RFX4: variants seen among roughly 807,000 people sequenced by gnomAD.
The protein encoded by RFX4 is regulatory factor X4, also known as transcription factor RFX4.
A neutral mutation model predicts 95.0 loss-of-function variants in RFX4; 10 were observed. The observed-to-expected ratio is 0.11, with a 90% CI of 0.06 to 0.18. The LOEUF (loss-of-function observed/expected upper bound fraction) is 0.18, where lower values mean the gene tolerates loss of function less well. Among genes scored for constraint, RFX4 ranks in the 10% least tolerant of loss-of-function variants. RFX4 has a pLI of 1.00. For synonymous variants in RFX4, 321 were observed against 340.7 expected, an observed-to-expected ratio of 0.94 and a Z score of 0.64; for missense variants, 640 against 922.0, an observed-to-expected ratio of 0.69 and a Z score of 3.96.
At chr12:106,614,995 T>C (rs1214498487) in intron 2 of RFX4, among the ~76,000 whole-genome samples, 1 of 152,216 alleles carries the variant, frequency 6.6e-6, no homozygotes, top group Non-Finnish European at 1.5e-5. Context: ...TCAATTCTAA[T>C]AAAATTTAAT....
chr12:106,651,234 A>G (rs1205005546), intron 3 of RFX4, among the ~76,000 whole-genome samples: 1 of 151,946 alleles, frequency 6.6e-6, no homozygotes, highest in African/African-American at 2.4e-5. Context: ...CCCTCCCCCA[A>G]CTACCGTGGC....
chr12:106,724,817 GC>G (rs1436739301), intron 13 of RFX4, among the ~76,000 whole-genome samples: 1 of 152,104 alleles, frequency 6.6e-6, no homozygotes, highest in Non-Finnish European at 1.5e-5. Flanking sequence ...TTTGAGACCA[GC>G]CTGGACAACA....
At chr12:106,701,400 G>A (rs1217873843) in intron 8 of RFX4, among the ~76,000 whole-genome samples, 1 of 152,016 alleles carries the variant, frequency 6.6e-6, no homozygotes, top group East Asian at 1.9e-4. Flanking sequence ...GAGCTTCTCG[G>A]ATCTGTGCTT....
intron 1 of RFX4, among the ~76,000 whole-genome samples, chr12:106,588,721 A>G (rs762986699): frequency 6.6e-6 from 1 of 152,200 alleles, no homozygotes; most frequent in Non-Finnish European, 1.5e-5. Flanking sequence ...CCTCTCAATT[A>G]TATGCCTGTG....
chr12:106,723,167 TCCTTAA>T (rs1162683108), intron 13 of RFX4, among the ~76,000 whole-genome samples: 1 of 152,196 alleles, frequency 6.6e-6, no homozygotes, highest in Non-Finnish European at 1.5e-5. Flanking sequence ...CACTCTCTTC[TCCTTAA>T]TTCTTTTTCA....
intron 4 of RFX4, among the ~76,000 whole-genome samples, chr12:106,676,299 T>G (rs900569912): frequency 2.0e-5 from 3 of 152,236 alleles, no homozygotes; most frequent in East Asian, 3.9e-4. Context: ...GGTATGGACC[T>G]GGGAAGCATT....
At chr12:106,605,916 A>C (rs1446058555) in intron 1 of RFX4, among the ~76,000 whole-genome samples, 1 of 151,200 alleles carries the variant, frequency 6.6e-6, no homozygotes, top group South Asian at 2.1e-4. Context: ...TTTTCATGGC[A>C]CCTCCCACCC....
chr12:106,607,999 C>T (rs537683902), intron 1 of RFX4, among the ~76,000 whole-genome samples: 1 of 152,264 alleles, frequency 6.6e-6, no homozygotes, highest in Admixed American at 6.5e-5. Context: ...TCAAGACCAG[C>T]CTGGCCAACA....
At chr12:106,613,519 C>T (rs1309028038) in intron 2 of RFX4, among the ~76,000 whole-genome samples, 1 of 151,874 alleles carries the variant, frequency 6.6e-6, no homozygotes, top group African/African-American at 2.4e-5. Flanking sequence ...CCCACCACCA[C>T]ACCCAGCCAA....
intron 1 of RFX4, among the ~76,000 whole-genome samples, chr12:106,584,876 C>T (rs997171644): frequency 6.6e-6 from 1 of 152,188 alleles, no homozygotes; most frequent in Non-Finnish European, 1.5e-5. Context: ...CCCCGAAGTT[C>T]TCCTTCCTAT....
intron 2 of RFX4, among the ~76,000 whole-genome samples, chr12:106,636,665 A>C (rs2040520343): frequency 6.6e-6 from 1 of 152,224 alleles, no homozygotes; most frequent in Non-Finnish European, 1.5e-5. Flanking sequence ...GTTCCTGAGA[A>C]CATTTAGCAT....
chr12:106,746,133 G>C (rs2042889292), intron 15 of RFX4, among the ~76,000 whole-genome samples: 1 of 152,156 alleles, frequency 6.6e-6, no homozygotes, highest in Non-Finnish European at 1.5e-5. Flanking sequence ...AAAGGCGGGT[G>C]GGTCACAAGG....
intron 13 of RFX4, among the ~76,000 whole-genome samples, chr12:106,728,407 C>T (rs1173413886): frequency 7.2e-5 from 11 of 152,014 alleles, no homozygotes; most frequent in Non-Finnish European, 4.4e-5. Context: ...CTATTTGATT[C>T]ATACATCTAA....
intron 4 of RFX4, among the ~76,000 whole-genome samples, chr12:106,661,054 C>T (rs1044229065): frequency 2.0e-5 from 3 of 152,178 alleles, no homozygotes; most frequent in Admixed American, 2.0e-4. Flanking sequence ...GAGGGCCCAC[C>T]ATGTGCTGTA....
intron 3 of RFX4, among the ~76,000 whole-genome samples, chr12:106,653,048 C>T (rs530979045): frequency 1.3e-5 from 2 of 152,170 alleles, no homozygotes; most frequent in African/African-American, 2.4e-5. Flanking sequence ...GAAATGTTTC[C>T]TGTTGGTGCA....
At chr12:106,601,238 C>G in intron 1 of RFX4, 1 of 1,558,104 alleles carries the variant, frequency 6.4e-7, no homozygotes, top group South Asian at 1.2e-5. Flanking sequence ...CTGCCACCGG[C>G]AGGGAGCCAG....
At chr12:106,660,016 T>C (rs1397256435) in intron 4 of RFX4, among the ~76,000 whole-genome samples, 1 of 152,082 alleles carries the variant, frequency 6.6e-6, no homozygotes, top group Non-Finnish European at 1.5e-5. Context: ...AGTTGAGAAA[T>C]GCTTTCCCAA....
At chr12:106,641,985 A>ATATCTATATCTATATC (rs1565961059) in intron 3 of RFX4, among the ~76,000 whole-genome samples, 2 of 142,408 alleles carry the variant, frequency 1.4e-5, no homozygotes, top group African/African-American at 5.8e-5. Flanking sequence ...ATCTATATCT[A>ATATCTATATCTATATC]TATCTATATC....
Position 106,583,284 on chromosome 12 carries a change from A to T in RFX4, c.-37A>T. On this transcript the variant is annotated 5_prime_UTR_variant, in exon 1 of 18. Transcript: ENST00000392842. ...GCACAGGGGATCCCCAAACATCAGG[A>T]CTTTTGGGGGGCGCCTGTGCTGTCC... is the stretch of plus-strand genomic sequence containing the variant. The T allele has an allele frequency of 1.3e-6, 2 of 1,544,932 alleles. No homozygotes were observed. Among genetic ancestry groups the T allele is most frequent in the Non-Finnish European group, 1.7e-6 (2 of 1,152,474 alleles).
Sources: allele counts gnomAD v4.1 joint callset (sites outside exome capture counted in the v4.1 genomes callset), GRCh38; gene constraint gnomAD v4.1.1; transcripts MANE v1.5; gene names NCBI Gene and HGNC (gene_info 2026-07-23, HGNC 2026-07-21).